The following ARHGEF3 variants were observed in gnomAD, a reference collection of about 807,000 sequenced individuals.
The protein encoded by ARHGEF3 is 59.8 kDA protein.
ARHGEF3 carries 28 observed loss-of-function variants against 63.2 expected under a neutral mutation model. The observed-to-expected ratio is 0.44, with a 90% confidence interval of 0.33 to 0.61. The LOEUF is 0.61. Among genes scored for constraint, ARHGEF3 ranks in the 20% least tolerant of loss-of-function variants. The pLI is 0.03. For synonymous variants in ARHGEF3, 266 were observed against 254.2 expected, an observed-to-expected ratio of 1.05 and a Z score of -0.44; for missense variants, 533 against 659.3, an observed-to-expected ratio of 0.81 and a Z score of 2.10.
In ARHGEF3 at chr3:56,904,570, A is replaced by G. The variant is rs1303816893; in HGVS notation, c.130-22216T>C. On this transcript the variant is annotated intron_variant, in intron 3 of 12. Transcript: ENST00000338458. ...AAATTAACTATATTTTCAAAAAAAC[A>G]TGAGAGGAGTAACATTGTTCTCTGT... Among the ~76,000 whole-genome samples, 3 of 152,224 alleles carry G rather than the reference A, an allele frequency of 2.0e-5. No individual in the cohort carries two copies. The East Asian group carries it at 5.8e-4, about 29-fold the overall frequency.
chr3:57,014,830 G>A (rs1437057777), intron 2 of ARHGEF3, among the ~76,000 whole-genome samples: 4 of 151,948 alleles, frequency 2.6e-5, no homozygotes, highest in Non-Finnish European at 4.4e-5. Context: ...ACAGGCGCCC[G>A]CCACTGCACT....
At chr3:57,039,337 T>C (rs1263921044) in intron 1 of ARHGEF3, among the ~76,000 whole-genome samples, 1 of 152,140 alleles carries the variant, frequency 6.6e-6, no homozygotes, top group Non-Finnish European at 1.5e-5. Context: ...CAACCAGCAC[T>C]CTCATATACT....
In ARHGEF3 at chr3:56,791,969, G is replaced by A. The variant is rs7629147; in HGVS notation, c.96+9734C>T. Among the ~76,000 whole-genome samples the A allele has an allele frequency of 5.5e-3, 830 of 151,710 alleles. 4 individuals are homozygous for A. Among genetic ancestry groups the A allele is most frequent in the African/African-American group, 0.019 (783 of 41,420 alleles). On this transcript the variant is annotated intron_variant, in intron 1 of 9. Transcript: ENST00000296315. Reference sequence around the variant, plus strand: ...AAATAAGTGACTGCTGGCTGGGTGCGGTGGCTCACGCCTGTAATCCCAGCT... The same window carrying A: ...AAATAAGTGACTGCTGGCTGGGTGCAGTGGCTCACGCCTGTAATCCCAGCT...
chr3:56,783,797 G>T (rs1157595126), intron 1 of ARHGEF3, among the ~76,000 whole-genome samples: 1 of 152,100 alleles, frequency 6.6e-6, no homozygotes, highest in African/African-American at 2.4e-5. Context: ...ACATTATAAG[G>T]GTAAGTCAAC....
At chr3:56,902,254 C>T (rs962766853) in intron 3 of ARHGEF3, among the ~76,000 whole-genome samples, 3 of 152,002 alleles carry the variant, frequency 2.0e-5, no homozygotes, top group Non-Finnish European at 4.4e-5. Flanking sequence ...TTAATTCTGG[C>T]GTTAGAAACA....
intron 3 of ARHGEF3, among the ~76,000 whole-genome samples, chr3:56,944,994 G>A (rs985941381): frequency 2.0e-5 from 3 of 152,216 alleles, no homozygotes; most frequent in Non-Finnish European, 4.4e-5. Flanking sequence ...GCAAGCTGCA[G>A]GATCTGAGAG....
intron 1 of ARHGEF3, among the ~76,000 whole-genome samples, chr3:57,053,767 C>T (rs907321655): frequency 6.6e-6 from 1 of 152,160 alleles, no homozygotes; most frequent in Non-Finnish European, 1.5e-5. Context: ...GTATGGACTC[C>T]CTGTCCCTGG....
At chr3:57,056,072 C>T (rs767084917) in intron 1 of ARHGEF3, among the ~76,000 whole-genome samples, 5 of 151,992 alleles carry the variant, frequency 3.3e-5, no homozygotes, top group Non-Finnish European at 7.4e-5. Flanking sequence ...ATGCTCACAG[C>T]CTGGAGAAGA....
rs1446730168 is a variant in ARHGEF3 at position 57,042,684 on chromosome 3, ATATATATATATATATAT to A, written c.-27-7525_-27-7509del. Among the ~76,000 whole-genome samples the A allele has an allele frequency of 2.7e-3, 27 of 9,866 alleles. 2 individuals are homozygous for A. The highest frequency in any genetic ancestry group is 4.8e-3 in the African/African-American group (8 of 1,662). The allele number at this position is 9,866 out of a possible 152,430, so 6.5% of individuals were successfully genotyped here. A position where few individuals can be genotyped will look rare whatever the true frequency, so the allele number is the denominator to read the frequency against. ...TATATATATATATATATATATATATATATATATATATATATATTTTTTTTTTTTTTTAGACGGAGTCT... is the reference window on the plus strand; with the variant it reads ...TATATATATATATATATATATATATATTTTTTTTTTTTTTAGACGGAGTCT... On this transcript the variant is annotated intron_variant, in intron 1 of 12. Coordinates refer to the ARHGEF3 transcript ENST00000338458.
intron 3 of ARHGEF3, among the ~76,000 whole-genome samples, chr3:56,908,209 G>A (rs1266408426): frequency 6.6e-6 from 1 of 152,170 alleles, no homozygotes; most frequent in Admixed American, 6.5e-5. Flanking sequence ...GACCCCGAGC[G>A]GGGACTGATT....
chr3:56,938,158 A>G (rs1698991867), intron 3 of ARHGEF3, among the ~76,000 whole-genome samples: 1 of 152,166 alleles, frequency 6.6e-6, no homozygotes, highest in Non-Finnish European at 1.5e-5. Flanking sequence ...TGGCAGTAAC[A>G]GTCATGCACA....
intron 6 of ARHGEF3, among the ~76,000 whole-genome samples, chr3:56,747,048 T>TGC (rs201368312): frequency 0.01 from 1,453 of 140,646 alleles, 30 homozygotes; most frequent in African/African-American, 0.038. Flanking sequence ...TACTTATACA[T>TGC]GCGCGCACAC....
chr3:56,775,273 C>T (rs2036231710), intron 1 of ARHGEF3: 2 of 1,270,588 alleles, frequency 1.6e-6, no homozygotes, highest in South Asian at 2.3e-5. Flanking sequence ...TGGAATCCTG[C>T]TGAGACACTC....
chr3:56,992,409 A>AC (rs1701797259), intron 2 of ARHGEF3, among the ~76,000 whole-genome samples: 11 of 133,882 alleles, frequency 8.2e-5, no homozygotes, highest in Admixed American at 1.6e-4. Flanking sequence ...AAAAAAAAAA[A>AC]AAAAACAGAA....
chr3:56,863,262 C>G (rs1255260072), intron 4 of ARHGEF3, among the ~76,000 whole-genome samples: 1 of 151,312 alleles, frequency 6.6e-6, no homozygotes, highest in African/African-American at 2.4e-5. Flanking sequence ...CTCAGCCTTC[C>G]GAGTAGCTGG....
At chr3:56,780,020 T>C (rs185775846) in intron 1 of ARHGEF3, among the ~76,000 whole-genome samples, 1 of 152,334 alleles carries the variant, frequency 6.6e-6, no homozygotes, top group East Asian at 1.9e-4. Flanking sequence ...AGAAAGCTAG[T>C]ATCATTATCC....
chr3:57,076,411 C>A lies in ARHGEF3; in HGVS notation c.-28+2815G>T, dbSNP rs148160235. ...TGGATATTGATGAATGCAGGATAGT[C>A]AGAACACGAAGCAGACCATAAGGAC... On this transcript the variant is annotated intron_variant, in intron 1 of 12. Coordinates refer to the ARHGEF3 transcript ENST00000338458. Among the ~76,000 whole-genome samples the A allele has an allele frequency of 4.7e-3, 722 of 152,272 alleles. 3 individuals are homozygous for A. Among genetic ancestry groups the A allele is most frequent in the Admixed American group, 7.5e-3 (115 of 15,298 alleles).
At chr3:56,837,043 T>C (rs1291110554) in intron 4 of ARHGEF3, among the ~76,000 whole-genome samples, 1 of 152,220 alleles carries the variant, frequency 6.6e-6, no homozygotes, top group Non-Finnish European at 1.5e-5. Flanking sequence ...ATATGCGGCA[T>C]GAATTCATGC....
chr3:56,976,688 C>T (rs930559339), intron 2 of ARHGEF3, among the ~76,000 whole-genome samples: 3 of 152,182 alleles, frequency 2.0e-5, no homozygotes, highest in African/African-American at 7.2e-5. Flanking sequence ...ATACAGGACC[C>T]ACCACAGTCT....
Sources: allele counts gnomAD v4.1 joint callset (sites outside exome capture counted in the v4.1 genomes callset), GRCh38; gene constraint gnomAD v4.1.1; transcripts MANE v1.5; gene names NCBI Gene and HGNC (gene_info 2026-07-23, HGNC 2026-07-21).